The following SAXO1 variants were observed in gnomAD, a reference collection of about 807,000 sequenced individuals.
SAXO1 encodes stabilizer of axonemal microtubules 1.
Under a neutral mutation model 17.5 loss-of-function variants are expected in SAXO1, and 21 were observed. The observed-to-expected ratio is 1.20, with a 90% CI of 0.85 to 1.72. The LOEUF is 1.72. SAXO1 is among the 40% of genes most tolerant of loss of function. SAXO1 has a pLI of 0.00. For missense variants in SAXO1, 843 were observed against 596.0 expected (o/e 1.41, Z -4.32); for synonymous variants, 274 against 216.5 (o/e 1.27, Z -2.33).
At chr9:18,969,986 A>G (rs934657120) in intron 1 of SAXO1, among the ~76,000 whole-genome samples, 3 of 152,166 alleles carry the variant, frequency 2.0e-5, no homozygotes, top group Admixed American at 6.5e-5. Context: ...TCTGAGGAAA[A>G]TTCAAGTTGA....
chr9:19,039,301 C>G (rs149515871), intron 1 of SAXO1, among the ~76,000 whole-genome samples: 2 of 152,194 alleles, frequency 1.3e-5, no homozygotes, highest in Non-Finnish European at 2.9e-5. Context: ...TTATTTAATG[C>G]GCTGTGGAAC....
At chr9:19,029,636 C>G (rs10963918) in intron 1 of SAXO1, among the ~76,000 whole-genome samples, 27,688 of 152,100 alleles carry the variant, frequency 0.18, 2,588 homozygotes, top group African/African-American at 0.21. Context: ...GACTCAAGAT[C>G]AGTGTTGTCC....
chr9:19,007,374 A>T (rs1834528572), intron 1 of SAXO1, among the ~76,000 whole-genome samples: 1 of 152,234 alleles, frequency 6.6e-6, no homozygotes, highest in Non-Finnish European at 1.5e-5. Flanking sequence ...AAACTGGTTA[A>T]AATGTTAAAT....
chr9:19,017,973 C>T (rs1835058206), intron 1 of SAXO1, among the ~76,000 whole-genome samples: 2 of 151,960 alleles, frequency 1.3e-5, no homozygotes, highest in South Asian at 4.1e-4. Flanking sequence ...GTGACGATGA[C>T]CCTGGGCAAC....
chr9:18,936,369 C>A (rs1210873580), intron 3 of SAXO1, among the ~76,000 whole-genome samples: 1 of 152,128 alleles, frequency 6.6e-6, no homozygotes, highest in East Asian at 1.9e-4. Flanking sequence ...CCACCCCGGC[C>A]CCCAGACTCC....
intron 1 of SAXO1, 107 bp from the exon 2 acceptor site, chr9:18,951,044 G>T: frequency 1.7e-6 from 2 of 1,143,386 alleles, no homozygotes; most frequent in Non-Finnish European, 2.5e-6. Flanking sequence ...TCATGTGACT[G>T]CCAACATTGA....
chr9:19,027,583 G>A, intron 1 of SAXO1: 1 of 1,408,954 alleles, frequency 7.1e-7, no homozygotes, highest in South Asian at 1.2e-5. Context: ...CCTTCCTAAA[G>A]CTGACTGGCC....
At position 19,000,773 on chromosome 9, in the gene SAXO1, G is replaced by T. The variant is rs137914109; in HGVS notation, c.38+32098C>A. 3.5e-3 allele frequency among the ~76,000 whole-genome samples: 530 copies of T among 152,256 alleles called. 1 individual carries two copies. The highest frequency in any genetic ancestry group is 0.012 in the African/African-American group (506 of 41,526). On this transcript the variant is annotated intron_variant, in intron 1 of 3. Transcript: ENST00000380534. ...CCAAGCAAATGGAAAGCAAAAAAAA[G>T]CAGGGGTTGCAATCCTGGTCTCTGA...
At chr9:19,042,617 C>G (rs1044792426) in intron 1 of SAXO1, among the ~76,000 whole-genome samples, 1 of 152,166 alleles carries the variant, frequency 6.6e-6, no homozygotes, top group African/African-American at 2.4e-5. Flanking sequence ...AATCCCAGCA[C>G]TTTGGGAGGC....
intron 1 of SAXO1, among the ~76,000 whole-genome samples, chr9:19,043,134 T>TACACTCCA (rs1457569299): frequency 1.3e-5 from 2 of 151,884 alleles, no homozygotes; most frequent in Admixed American, 6.6e-5. Context: ...ACTGCACCAC[T>TACACTCCA]ACACTCCAGC....
intron 1 of SAXO1, among the ~76,000 whole-genome samples, chr9:18,970,159 C>T (rs1475980335): frequency 1.3e-5 from 2 of 152,166 alleles, no homozygotes; most frequent in African/African-American, 2.4e-5. Flanking sequence ...TGCCACCATC[C>T]ATATAGCCCC....
At chr9:19,000,482 C>T (rs1256728137) in intron 1 of SAXO1, among the ~76,000 whole-genome samples, 1 of 152,044 alleles carries the variant, frequency 6.6e-6, no homozygotes, top group East Asian at 1.9e-4. Context: ...AGTGCCTCTG[C>T]CCGCCCACTG....
rs775750490 is a variant in SAXO1 at position 19,032,900 on chromosome 9, C to T, written c.9G>A (p.Thr3=). The change falls in exon 1 of 4, where the codon ACG becomes ACA. Residue 3 remains threonine, a synonymous_variant. Coordinates refer to ENST00000380534, the MANE Select transcript of SAXO1 (RefSeq NM_153707.4). MK[T]KCICELCSCG... ...AGGAGCACAGTTCACAGATGCACTTCGTCTTCATAGGGGCGATCCTGAGGC... is the reference window on the plus strand; with the variant it reads ...AGGAGCACAGTTCACAGATGCACTTTGTCTTCATAGGGGCGATCCTGAGGC... 3.1e-6 allele frequency: 5 copies of T among 1,610,474 alleles called. No homozygotes were observed. The highest frequency in any genetic ancestry group is 2.2e-5 in the East Asian group (1 of 44,858).
chr9:18,995,887 C>T (rs1411948515), intron 1 of SAXO1, among the ~76,000 whole-genome samples: 1 of 151,976 alleles, frequency 6.6e-6, no homozygotes, highest in African/African-American at 2.4e-5. Flanking sequence ...TGAGACCAGC[C>T]TGGCCAACGT....
At chr9:19,004,084 G>C (rs1391005093) in intron 1 of SAXO1, among the ~76,000 whole-genome samples, 2 of 152,140 alleles carry the variant, frequency 1.3e-5, no homozygotes, top group Non-Finnish European at 2.9e-5. Flanking sequence ...GCTATGAACA[G>C]ACACTCCTCA....
At chr9:18,990,051 A>G (rs1833755370) in intron 1 of SAXO1, among the ~76,000 whole-genome samples, 1 of 152,206 alleles carries the variant, frequency 6.6e-6, no homozygotes, top group Non-Finnish European at 1.5e-5. Context: ...GAGAGAACAG[A>G]TGTTCCAAAG....
chr9:18,944,946 G>C (rs1012363144), intron 2 of SAXO1, among the ~76,000 whole-genome samples: 1 of 152,090 alleles, frequency 6.6e-6, no homozygotes, highest in African/African-American at 2.4e-5. Flanking sequence ...CATCTTAAAA[G>C]GAGTTCCTCC....
intron 1 of SAXO1, among the ~76,000 whole-genome samples, chr9:19,019,265 A>C (rs775201435): frequency 1.3e-5 from 2 of 152,222 alleles, no homozygotes; most frequent in Non-Finnish European, 2.9e-5. Context: ...TTCTTTGCTG[A>C]GACATTAATG....
chr9:18,963,834 T>G (rs937236151), intron 1 of SAXO1, among the ~76,000 whole-genome samples: 3 of 152,198 alleles, frequency 2.0e-5, no homozygotes, highest in Non-Finnish European at 4.4e-5. Context: ...CTGTGTTGAA[T>G]AGGAGTGGTG....
Sources: allele counts gnomAD v4.1 joint callset (sites outside exome capture counted in the v4.1 genomes callset), GRCh38; gene constraint gnomAD v4.1.1; transcripts MANE v1.5; gene names NCBI Gene and HGNC (gene_info 2026-07-23, HGNC 2026-07-21).